Variants in DPH6 observed in about 807,000 individuals in gnomAD.
The protein encoded by DPH6 is diphthamine biosynthesis 6, also known as diphthine--ammonia ligase.
Under a neutral mutation model 38.2 loss-of-function variants are expected in DPH6, and 33 were observed. The ratio of observed to expected loss-of-function variants is 0.86; its 90% CI spans 0.65 to 1.15. DPH6 has a LOEUF of 1.15. Among genes scored for constraint, DPH6 ranks in the 50% most tolerant of loss-of-function variants. DPH6 has a pLI of 0.00. For synonymous variants in DPH6, 108 were observed against 103.0 expected (o/e 1.05, Z -0.30); for missense variants, 325 against 320.0 (o/e 1.02, Z -0.12).
rs547528298 is a variant in DPH6, at chr15:35,324,666, C to T, written n.200+48855G>A. ...ATAGCAGTAATCAGGAATCAAGATG[C>T]TTATCCATAAATATAAACCGATAGT... On this transcript the variant is annotated intron_variant and non_coding_transcript_variant, in intron 3 of 3. Coordinates refer to the DPH6 transcript ENST00000560386. 5.9e-5 allele frequency among the ~76,000 whole-genome samples: 9 copies of T among 152,200 alleles called. No homozygotes were observed. In the East Asian group the frequency reaches 1.7e-3, roughly 29 times the overall value.
the DPH6 span, among the ~76,000 whole-genome samples, chr15:35,147,368 T>A: frequency 6.6e-6 from 1 of 152,206 alleles, no homozygotes; most frequent in Non-Finnish European, 1.5e-5. Flanking sequence ...TTTTTTAATA[T>A]ACAGAGCATT....
At chr15:35,358,720 G>A (rs2052589305) in intron 3 of DPH6, among the ~76,000 whole-genome samples, 1 of 152,174 alleles carries the variant, frequency 6.6e-6, no homozygotes, top group Admixed American at 6.5e-5. Flanking sequence ...TCTGCACTGA[G>A]TCCTGTGATG....
intron 3 of DPH6, among the ~76,000 whole-genome samples, chr15:35,477,617 G>A (rs2054278216): frequency 6.6e-6 from 1 of 151,784 alleles, no homozygotes. Flanking sequence ...TTCATTTACA[G>A]ATTTCATTTC....
chr15:35,329,201 G>A (rs1040321554), downstream of DPH6, among the ~76,000 whole-genome samples: 1 of 152,000 alleles, frequency 6.6e-6, no homozygotes, highest in Non-Finnish European at 1.5e-5. Context: ...TATAATACCA[G>A]GTAATTACAA....
the DPH6 span, among the ~76,000 whole-genome samples, chr15:35,157,532 C>T: frequency 1.3e-5 from 2 of 152,066 alleles, no homozygotes; most frequent in Admixed American, 1.3e-4. Context: ...TTACATGAGA[C>T]TATTAAAACA....
At chr15:35,238,129 C>T (rs528921985) in intron 3 of DPH6, 71 of 1,179,712 alleles carry the variant, frequency 6.0e-5, no homozygotes, top group Middle Eastern at 5.9e-4. Flanking sequence ...TCCCCTCCCC[C>T]GCTCCAATCC....
At chr15:35,537,787 G>A (rs1595453479) in intron 3 of DPH6, among the ~76,000 whole-genome samples, 2 of 152,098 alleles carry the variant, frequency 1.3e-5, no homozygotes, top group East Asian at 1.9e-4. Context: ...ATCTGATTCT[G>A]CTTCATTTTT....
intron 3 of DPH6, among the ~76,000 whole-genome samples, chr15:35,472,885 A>C (rs1467957014): frequency 6.7e-6 from 1 of 149,628 alleles, no homozygotes; most frequent in African/African-American, 2.5e-5. Context: ...AGAATACATA[A>C]TCCTTAACAA....
rs1385511052 is a variant in DPH6, at chr15:35,473,953, T to TGC, written c.313-19134_313-19133insGC. ...GTGTGTGTGTGTGTGTGTGTGTGTGTGTGTGCGCGCGCGCGCGTGAGCTTT... is the reference window on the plus strand; with the variant it reads ...GTGTGTGTGTGTGTGTGTGTGTGTGTGCGTGTGCGCGCGCGCGCGTGAGCTTT... On this transcript the variant is annotated intron_variant, in intron 3 of 8. Transcript: ENST00000256538. Among the ~76,000 whole-genome samples, 143 of 25,048 alleles carry TGC rather than the reference T, an allele frequency of 5.7e-3. 2 individuals are homozygous for TGC. The highest frequency in any genetic ancestry group is 7.4e-3 in the African/African-American group (131 of 17,676). The allele number at this position is 25,048 out of a possible 152,430, so 16.4% of individuals were successfully genotyped here. A position where few individuals can be genotyped will look rare whatever the true frequency, so the allele number is the denominator to read the frequency against.
At chr15:35,318,010 A>T (rs1424450101) in intron 3 of DPH6, among the ~76,000 whole-genome samples, 1 of 152,084 alleles carries the variant, frequency 6.6e-6, no homozygotes, top group Admixed American at 6.5e-5. Flanking sequence ...AAAGGAGCAT[A>T]TAACAGGAGA....
At chr15:35,233,399 A>G (rs2051531691) in intron 3 of DPH6, among the ~76,000 whole-genome samples, 1 of 152,218 alleles carries the variant, frequency 6.6e-6, no homozygotes, top group African/African-American at 2.4e-5. Flanking sequence ...AAAAGACAAA[A>G]TGGCACAAAT....
chr15:35,449,084 A>C (rs1008171530), intron 5 of DPH6, among the ~76,000 whole-genome samples: 2 of 150,772 alleles, frequency 1.3e-5, no homozygotes, highest in African/African-American at 4.9e-5. Flanking sequence ...AAAAAGGCTT[A>C]GCAACCTATA....
intron 3 of DPH6, among the ~76,000 whole-genome samples, chr15:35,527,661 G>C (rs1310179260): frequency 6.6e-6 from 1 of 152,112 alleles, no homozygotes. Context: ...AGTTGGAAAG[G>C]AGAAGTTATT....
At chr15:35,182,220 ATTTTTTTTTTTTT>A in the DPH6 span, among the ~76,000 whole-genome samples, 402 of 86,034 alleles carry the variant, frequency 4.7e-3, 2 homozygotes, top group African/African-American at 0.013. Context: ...AACTCTAAGA[ATTTTTTTTTTTTT>A]TTTTTTTTTT....
At chr15:35,492,941 C>A (rs1257354290) in intron 3 of DPH6, among the ~76,000 whole-genome samples, 1 of 152,118 alleles carries the variant, frequency 6.6e-6, no homozygotes, top group Non-Finnish European at 1.5e-5. Flanking sequence ...GTTTACTAGA[C>A]ACAAGACAGA....
At chr15:35,418,053 A>G (rs1355740761) in intron 5 of DPH6, among the ~76,000 whole-genome samples, 1 of 152,000 alleles carries the variant, frequency 6.6e-6, no homozygotes, top group African/African-American at 2.4e-5. Context: ...CTTGGAAAAG[A>G]TTTTTCTTTT....
At chr15:35,545,905 G>A (rs1378615723) in intron 1 of DPH6, among the ~76,000 whole-genome samples, 4 of 152,228 alleles carry the variant, frequency 2.6e-5, no homozygotes, top group African/African-American at 9.6e-5. Flanking sequence ...GAAGACCAGA[G>A]AGCGACAGAC....
chr15:35,432,172 T>C (rs1373924326), intron 5 of DPH6, among the ~76,000 whole-genome samples: 1 of 151,928 alleles, frequency 6.6e-6, no homozygotes, highest in African/African-American at 2.4e-5. Flanking sequence ...CAGATAAACA[T>C]AAAGCGTAGA....
At position 35,522,242 on chromosome 15, in the gene DPH6, C is replaced by T; in HGVS notation, c.312+16032G>A. 1.9e-6 allele frequency: 3 copies of T among 1,613,144 alleles called. No individual in the cohort carries two copies. In the Middle Eastern group the frequency reaches 5.0e-4, roughly 266 times the overall value. On this transcript the variant is annotated intron_variant, in intron 3 of 8. Transcript: ENST00000256538. ...ATGTGAAAATCTTGGAGATTCAGAG[C>T]ATCATATTCAGCAAGCAAGGTCATT... is the stretch of plus-strand genomic sequence containing the variant.
Sources: gnomAD v4.1 joint callset for allele counts (sites outside exome capture counted in the v4.1 genomes callset) on GRCh38, gnomAD v4.1.1 for gene constraint, MANE v1.5 for transcripts, NCBI Gene and HGNC (gene_info 2026-07-23, HGNC 2026-07-21) for gene names.